The following NT5DC4 variants were observed in gnomAD, a reference collection of about 807,000 sequenced individuals.
NT5DC4 encodes 5'-nucleotidase domain containing 4, also known as 5'-nucleotidase domain-containing protein 4.
Under a neutral mutation model 26.6 loss-of-function variants are expected in NT5DC4, and 44 were observed. That is an observed-to-expected ratio of 1.65 (90% CI 1.30 to 2.13). The LOEUF is 2.13. NT5DC4 is among the 30% of genes most tolerant of loss of function. NT5DC4 has a pLI of 0.00. For synonymous variants in NT5DC4, 157 were observed against 86.7 expected, an observed-to-expected ratio of 1.81 and a Z score of -4.51; for missense variants, 399 against 228.1, an observed-to-expected ratio of 1.75 and a Z score of -4.83.
chr2:112,722,299 G>A, intron 4 of NT5DC4, 21 bp downstream of exon 4: 3 of 717,022 alleles, frequency 4.2e-6, no homozygotes, highest in Non-Finnish European at 7.8e-6. Context: ...AAGGTGCCGG[G>A]AGAGTGGCAG....
chr2:112,728,665 T>C (rs187594773), intron 15 of NT5DC4, among the ~76,000 whole-genome samples: 169 of 152,350 alleles, frequency 1.1e-3, no homozygotes, highest in African/African-American at 3.8e-3. Flanking sequence ...AAACCATTTA[T>C]TGAGTGTCTG....
In NT5DC4 at chr2:112,729,676, C is replaced by G. The variant is rs1049142507; in HGVS notation, c.1316C>G (p.Ala439Gly). The G allele has an allele frequency of 3.6e-5, 26 of 717,756 alleles. No individual in the cohort carries two copies. The highest frequency in any genetic ancestry group is 4.5e-4 in the Middle Eastern group (2 of 4,398). 44.5% of individuals were successfully genotyped at this position (717,756 alleles called of 1,614,324 possible). ...VEQEQANLDPASCLLSCNQRF... is the reference protein window; with the variant it reads ...VEQEQANLDPGSCLLSCNQRF... ...CAAGAACAGGCCAATCTAGACCCTG[C>G]CTCCTGCCTCCTCTCCTGCAACCAG... Residue 439 changes from alanine to glycine, a missense_variant, in exon 16 of 17, where the codon GCC (alanine) becomes GGC (glycine). Physicochemically the swap from Ala to Gly is moderately conservative, Grantham distance 60 (BLOSUM62 0). Transcript: ENST00000688554.
chr2:112,729,236 C>T (rs1678160775), intron 15 of NT5DC4, among the ~76,000 whole-genome samples: 1 of 152,174 alleles, frequency 6.6e-6, no homozygotes, highest in Non-Finnish European at 1.5e-5. Flanking sequence ...AATTCTTGTG[C>T]CTCAGCCTCC....
At chr2:112,735,873 T>C (rs1054902942) in intron 16 of NT5DC4, among the ~76,000 whole-genome samples, 5 of 152,256 alleles carry the variant, frequency 3.3e-5, no homozygotes, top group Middle Eastern at 3.4e-3. Flanking sequence ...TAGACACCAA[T>C]AGTTCAACCT....
chr2:112,741,967 T>TA (rs1680004732), downstream of NT5DC4, among the ~76,000 whole-genome samples: 6 of 92,640 alleles, frequency 6.5e-5, no homozygotes, highest in African/African-American at 2.7e-4. Context: ...TTTTTTTTTT[T>TA]AAAGACAAGA....
At chr2:112,726,434 T>A in intron 14 of NT5DC4, 145 bp downstream of exon 14, 1 of 670,560 alleles carries the variant, frequency 1.5e-6, no homozygotes, top group Non-Finnish European at 2.8e-6. Context: ...CCTAGCAAAC[T>A]GAATGTGGGG....
In NT5DC4 at chr2:112,738,756, T is replaced by C. The variant is rs1057063796; in HGVS notation, c.1345-157T>C. On this transcript the variant is annotated intron_variant, in intron 16 of 16. Transcript: ENST00000688554. ...ATGCCTCTCTTTTTTTCCAGGTCACTTGGACAAGAATATTTCTTGTCTTAT... is the reference window on the plus strand; with the variant it reads ...ATGCCTCTCTTTTTTTCCAGGTCACCTGGACAAGAATATTTCTTGTCTTAT... The C allele has an allele frequency of 1.1e-5, 12 of 1,101,552 alleles. No homozygotes were observed. The African/African-American group carries it at 1.9e-4, about 17-fold the overall frequency. The allele number at this position is 1,101,552 out of a possible 1,614,324, so 68.2% of individuals were successfully genotyped here.
downstream of NT5DC4, chr2:112,740,883 G>A (rs1487332209): frequency 3.7e-6 from 6 of 1,613,858 alleles, no homozygotes; most frequent in Non-Finnish European, 5.1e-6. Flanking sequence ...TGGCTATTCG[G>A]GGTGTCGCCG....
chr2:112,728,390 G>A (rs942808682), intron 15 of NT5DC4, among the ~76,000 whole-genome samples: 4 of 152,170 alleles, frequency 2.6e-5, no homozygotes, highest in Admixed American at 6.5e-5. Flanking sequence ...CTGGGAGACC[G>A]GAGGATGCTT....
intron 8 of NT5DC4, 95 bp downstream of exon 8, chr2:112,723,563 G>A (rs1330116119): frequency 1.4e-6 from 1 of 696,794 alleles, no homozygotes; most frequent in Non-Finnish European, 2.7e-6. Flanking sequence ...GGTTTAGGCT[G>A]AGCTCTGCTC....
At chr2:112,735,936 C>T (rs1007361404) in intron 16 of NT5DC4, among the ~76,000 whole-genome samples, 3 of 152,072 alleles carry the variant, frequency 2.0e-5, no homozygotes, top group African/African-American at 7.2e-5. Context: ...CTGCAAGGAA[C>T]TAGCAATAAA....
downstream of NT5DC4, among the ~76,000 whole-genome samples, chr2:112,740,650 G>C (rs1679866330): frequency 6.6e-6 from 1 of 152,162 alleles, no homozygotes. Flanking sequence ...GAAAAGGTAG[G>C]CGAGACCATA....
intron 11 of NT5DC4, 30 bp from the exon 12 acceptor site, chr2:112,725,144 T>G: frequency 1.4e-6 from 1 of 707,374 alleles, no homozygotes; most frequent in East Asian, 2.7e-5. Context: ...GTGGTTCTCC[T>G]GGCTCCAGGG....
In NT5DC4 at chr2:112,726,712, A is replaced by G. The variant is rs1478234259; in HGVS notation, c.1240A>G (p.Ile414Val). 4 of 717,542 alleles carry G rather than the reference A, an allele frequency of 5.6e-6. No homozygotes were observed. The highest frequency in any genetic ancestry group is 4.0e-5 in the Admixed American group (2 of 50,032). 44.4% of individuals were successfully genotyped at this position (717,542 alleles called of 1,614,324 possible). Residue 414 changes from isoleucine to valine, a missense_variant, in exon 15 of 17, where the codon ATC becomes GTC. Coordinates refer to ENST00000688554, the MANE Select transcript of NT5DC4 (RefSeq NM_001393655.1). ...TGGGAGCAGTTGTGAGCTGCAAGTC[A>G]TCAACTTCACCAAGAGAGAGATCCA... ...MDGSSCELQV[I>V]NFTKREIQMP...
chr2:112,722,127 A>G (rs552265895), intron 3 of NT5DC4, 24 bp downstream of exon 3: 2 of 714,588 alleles, frequency 2.8e-6, no homozygotes, highest in Admixed American at 2.0e-5. Context: ...GACAGGTGGG[A>G]GGCCACCCGG....
chr2:112,742,825 G>T (rs1680061021), downstream of NT5DC4: 30 of 1,265,590 alleles, frequency 2.4e-5, no homozygotes, highest in Non-Finnish European at 3.2e-5. Flanking sequence ...CAAAAAATTT[G>T]CTAAGGAACT....
chr2:112,739,178 A>G, downstream of NT5DC4: 1 of 719,062 alleles, frequency 1.4e-6, no homozygotes, highest in African/African-American at 1.8e-5. Flanking sequence ...AGATATGTCT[A>G]GAGCAGCTTT....
At chr2:112,725,810 T>C (rs997643570) in intron 13 of NT5DC4, among the ~76,000 whole-genome samples, 3 of 152,088 alleles carry the variant, frequency 2.0e-5, no homozygotes, top group African/African-American at 7.2e-5. Context: ...CCCGTGGTGT[T>C]TCTGCAGGCG....
Position 112,738,950 on chromosome 2 carries a change from A to G in NT5DC4, c.*14A>G, listed in dbSNP as rs1679623183. 5.0e-6 allele frequency: 8 copies of G among 1,614,114 alleles called. No individual in the cohort carries two copies. Among genetic ancestry groups the G allele is most frequent in the Non-Finnish European group, 6.8e-6 (8 of 1,180,048 alleles). On this transcript the variant is annotated 3_prime_UTR_variant, in exon 17 of 17. Coordinates refer to ENST00000688554, the MANE Select transcript of NT5DC4 (RefSeq NM_001393655.1). ...AGCCACTACTAAATCGTGTTCCTGC[A>G]GCATTTCTGGGTAGCGGGACACTGC...
Sources: allele counts gnomAD v4.1 joint callset (sites outside exome capture counted in the v4.1 genomes callset), GRCh38; gene constraint gnomAD v4.1.1; transcripts MANE v1.5; gene names NCBI Gene and HGNC (gene_info 2026-07-23, HGNC 2026-07-21).